Variants in EDC4 observed in about 807,000 individuals in gnomAD.
The protein encoded by EDC4 is enhancer of mRNA decapping 4, also known as enhancer of mRNA-decapping protein 4.
EDC4 carries 64 observed loss-of-function variants against 155.8 expected under a neutral mutation model. That is an observed-to-expected ratio of 0.41 (90% CI 0.34 to 0.51). EDC4 has a LOEUF of 0.51. Among genes scored for constraint, EDC4 ranks in the 20% least tolerant of loss-of-function variants. EDC4 has a pLI of 0.19. For synonymous variants in EDC4, 684 were observed against 716.8 expected (o/e 0.95, Z 0.73); for missense variants, 1,303 against 1,812.5 (o/e 0.72, Z 5.10).
Position 67,879,565 on chromosome 16 carries a change from C to G in EDC4, c.1634-22C>G, listed in dbSNP as rs202241475. Reference sequence around the variant, plus strand: ...ACTGACCAGGGTCTGAGATCTAACTCAAGTGGCAACTTGCCCTGCAGCATT... The same window carrying G: ...ACTGACCAGGGTCTGAGATCTAACTGAAGTGGCAACTTGCCCTGCAGCATT... On this transcript the variant is annotated intron_variant, in intron 14 of 28. Coordinates refer to ENST00000358933, the MANE Select transcript of EDC4 (RefSeq NM_014329.5). This position sits in a 1 kb window ranked among gnomAD's most constrained non-coding sequence, Gnocchi z 6.0. 3.6e-5 allele frequency: 58 copies of G among 1,613,690 alleles called. No homozygotes were observed. Among genetic ancestry groups the G allele is most frequent in the Non-Finnish European group, 4.2e-5 (49 of 1,179,700 alleles).
Position 67,878,723 on chromosome 16 carries a change from T to C in EDC4, c.1185-14T>C. On this transcript the variant is annotated splice_polypyrimidine_tract_variant and intron_variant, in intron 10 of 28. Coordinates refer to ENST00000358933, the MANE Select transcript of EDC4 (RefSeq NM_014329.5). The surrounding 1 kb of genome is among the most constrained non-coding windows in gnomAD (Gnocchi z 5.2). ...AGTTCTCAGGCTCATTCACTCTGCT[T>C]TGTGGCTCTCTAGCTTCTCCCCAGA... The C allele has an allele frequency of 6.2e-7, 1 of 1,614,166 alleles. No homozygotes were observed.
rs760967873 is a variant in EDC4, at chr16:67,877,427, G to A, written c.641+21G>A. On this transcript the variant is annotated intron_variant, in intron 5 of 28. Coordinates refer to ENST00000358933, the MANE Select transcript of EDC4 (RefSeq NM_014329.5). The surrounding 1 kb of genome is among the most constrained non-coding windows in gnomAD (Gnocchi z 4.9). ...ATTCAGTATCCATTCCTTCCTGTGG[G>A]TGGTGGGACTGAAGAAGGGTGGGCG... is the stretch of plus-strand genomic sequence containing the variant. 1.9e-6 allele frequency: 3 copies of A among 1,611,192 alleles called. No individual in the cohort carries two copies. The South Asian group carries it at 3.3e-5, about 18-fold the overall frequency.
Position 67,877,774 on chromosome 16 carries a change from A to G in EDC4, c.823A>G (p.Ser275Gly), listed in dbSNP as rs111231628. Residue 275 changes from serine to glycine, a missense_variant, in exon 7 of 29, where the codon AGC becomes GGC. Physicochemically the swap from Ser to Gly is moderately conservative, Grantham distance 56. Coordinates refer to ENST00000358933, the MANE Select transcript of EDC4 (RefSeq NM_014329.5). The surrounding 1 kb of genome is among the most constrained non-coding windows in gnomAD (Gnocchi z 4.9). Reference protein sequence around the residue: ...EVWDLDMLRSSHSTWPVDVSQ... With the variant: ...EVWDLDMLRSGHSTWPVDVSQ... ...GTGGGACCTGGACATGCTCCGCTCCAGCCACAGTACCTGGCCTGTGGATGT... is the reference window on the plus strand; with the variant it reads ...GTGGGACCTGGACATGCTCCGCTCCGGCCACAGTACCTGGCCTGTGGATGT... 2.7e-3 allele frequency: 4,371 copies of G among 1,614,182 alleles called. 13 individuals carry two copies. Among genetic ancestry groups the G allele is most frequent in the Non-Finnish European group, 3.3e-3 (3,905 of 1,180,032 alleles).
Position 67,882,044 on chromosome 16 carries a change from C to T in EDC4, c.3095C>T (p.Ser1032Leu), listed in dbSNP as rs746048856. The T allele has an allele frequency of 1.7e-5, 28 of 1,612,912 alleles. 1 individual carries two copies. The highest frequency in any genetic ancestry group is 6.7e-5 in the Admixed American group (4 of 59,632). ...ACACAACAGTTGTCCCAAGCACTGTCGTCAGCTGTAGCTGGGCGGCTAGAG... is the reference window on the plus strand; with the variant it reads ...ACACAACAGTTGTCCCAAGCACTGTTGTCAGCTGTAGCTGGGCGGCTAGAG... ...QLTQQLSQAL[S>L]SAVAGRLERS... Residue 1032 changes from serine to leucine, a missense_variant, in exon 23 of 29, where the codon TCG becomes TTG. Around this residue, in one of 5 missense-constraint regions of EDC4, gnomAD observed 527 missense variants for 757.0 expected, o/e 0.70. Coordinates refer to ENST00000358933, the MANE Select transcript of EDC4 (RefSeq NM_014329.5). This position sits in a 1 kb window ranked among gnomAD's most constrained non-coding sequence, Gnocchi z 7.2.
chr16:67,877,990 C>G lies in EDC4; in HGVS notation c.894+145C>G. 1 of 1,486,742 alleles carries G rather than the reference C, an allele frequency of 6.7e-7. No individual in the cohort carries two copies. The highest frequency in any genetic ancestry group is 1.4e-5 in the African/African-American group (1 of 71,838). The allele number at this position is 1,486,742 out of a possible 1,614,324, so 92.1% of individuals were successfully genotyped here. Reference sequence around the variant, plus strand: ...CTCAAATTGGCCCTCACCTGTGCAGCTTTCTCCTTATCTAGCAGCACCCTG... The same window carrying G: ...CTCAAATTGGCCCTCACCTGTGCAGGTTTCTCCTTATCTAGCAGCACCCTG... On this transcript the variant is annotated intron_variant, in intron 7 of 28. Transcript: ENST00000358933. The surrounding 1 kb of genome is among the most constrained non-coding windows in gnomAD (Gnocchi z 4.9).
chr16:67,878,926 G>A lies in EDC4; in HGVS notation c.1288-31G>A. 6.2e-7 allele frequency: 1 copy of A among 1,610,726 alleles called. No individual in the cohort carries two copies. Among genetic ancestry groups the A allele is most frequent in the Non-Finnish European group, 8.5e-7 (1 of 1,179,272 alleles). ...TGGCGCATCACAGCCCTTAGCCTCT[G>A]AGCTCAGCTAGGAACGTTCTGCCTG... is the stretch of plus-strand genomic sequence containing the variant. On this transcript the variant is annotated intron_variant, in intron 11 of 28. Coordinates refer to ENST00000358933, the MANE Select transcript of EDC4 (RefSeq NM_014329.5). The surrounding 1 kb of genome is among the most constrained non-coding windows in gnomAD (Gnocchi z 5.2).
chr16:67,880,104 A>T lies in EDC4; in HGVS notation c.1985A>T (p.Asp662Val). Reference sequence around the variant, plus strand: ...ACCTTGAGCCCCAAGCTGCAGCTGGATGGCAGCCTGACAATGAGCAGCAGT... The same window carrying T: ...ACCTTGAGCCCCAAGCTGCAGCTGGTTGGCAGCCTGACAATGAGCAGCAGT... ...ELTLSPKLQL[D>V]GSLTMSSSGS... The change falls in exon 17 of 29, where the codon GAT (aspartate) becomes GTT (valine). Residue 662 changes from aspartate to valine, a missense_variant. Transcript: ENST00000358933. This position sits in a 1 kb window ranked among gnomAD's most constrained non-coding sequence, Gnocchi z 5.2. The T allele has an allele frequency of 1.2e-6, 2 of 1,612,232 alleles. No homozygotes were observed. The highest frequency in any genetic ancestry group is 1.7e-6 in the Non-Finnish European group (2 of 1,178,980).
chr16:67,879,440 C>T lies in EDC4; in HGVS notation c.1570C>T (p.Gln524Ter), dbSNP rs746908420. ...ACTGCAAGATGTGCAGATCCGCTTC[C>T]AGCCACAGCTGAACCCTGATGTGGT... ...KALQDVQIRFQPQLNPDVVAP... is the reference protein window; with the variant it reads ...KALQDVQIRF The change falls in exon 14 of 29, where the codon CAG (glutamine) becomes TAG (stop). Residue 524 changes from glutamine to a stop codon, truncating the protein, a stop_gained. Transcript: ENST00000358933. LOFTEE classifies it high-confidence loss of function. This position sits in a 1 kb window ranked among gnomAD's most constrained non-coding sequence, Gnocchi z 6.0. 6.2e-7 allele frequency: 1 copy of T among 1,614,226 alleles called. No individual in the cohort carries two copies. The highest frequency in any genetic ancestry group is 8.5e-7 in the Non-Finnish European group (1 of 1,180,042).
chr16:67,876,084 G>C lies in EDC4; in HGVS notation c.222G>C (p.Leu74=). Reference sequence around the variant, plus strand: ...TTCGGACCATGCCACCCATTAACCTGCAAGAGAAGCAGGTCATGTGAGTAC... The same window carrying C: ...TTCGGACCATGCCACCCATTAACCTCCAAGAGAAGCAGGTCATGTGAGTAC... The part of the protein sequence containing the change: ...TGLRTMPPIN[L]QEKQVICLSG... Residue 74 remains leucine, a synonymous_variant, in exon 2 of 29, where the codon CTG becomes CTC. Transcript: ENST00000358933. The surrounding 1 kb of genome is among the most constrained non-coding windows in gnomAD (Gnocchi z 5.8). The C allele has an allele frequency of 6.2e-7, 1 of 1,614,150 alleles. No individual in the cohort carries two copies. The highest frequency in any genetic ancestry group is 1.3e-5 in the African/African-American group (1 of 75,038).
Position 67,879,111 on chromosome 16 carries a change from A to G in EDC4, c.1442A>G (p.Glu481Gly). Reference sequence around the variant, plus strand: ...CGGCACACTGAGGTGCTGCCTGCCGAAGAGGAAAATGACAGCCTGGGTGCT... The same window carrying G: ...CGGCACACTGAGGTGCTGCCTGCCGGAGAGGAAAATGACAGCCTGGGTGCT... ...RLRHTEVLPA[E>G]EENDSLGADG... The change falls in exon 12 of 29, where the codon GAA (glutamate) becomes GGA (glycine). Residue 481 changes from glutamate (E) to glycine (G), a missense_variant. Coordinates refer to ENST00000358933, the MANE Select transcript of EDC4 (RefSeq NM_014329.5). The surrounding 1 kb of genome is among the most constrained non-coding windows in gnomAD (Gnocchi z 6.0). 1 of 1,613,836 alleles carries G rather than the reference A, an allele frequency of 6.2e-7. No homozygotes were observed. The highest frequency in any genetic ancestry group is 8.5e-7 in the Non-Finnish European group (1 of 1,179,808).
chr16:67,882,871 TG>T lies in EDC4; in HGVS notation c.3629+9del. 6.2e-7 allele frequency: 1 copy of T among 1,614,130 alleles called. No homozygotes were observed. Among genetic ancestry groups the T allele is most frequent in the Non-Finnish European group, 8.5e-7 (1 of 1,180,010 alleles). ...CTGCATGTGGCTGTGGGCAGGTGTG[TG>T]GGCAGAGTACTGGGCAAGGTGGTGG... is the stretch of plus-strand genomic sequence containing the variant. On this transcript the variant is annotated splice_region_variant and intron_variant, in intron 26 of 28. Transcript: ENST00000358933. The surrounding 1 kb of genome is among the most constrained non-coding windows in gnomAD (Gnocchi z 7.2).
Position 67,877,006 on chromosome 16 carries a change from T to C in EDC4, c.451+34T>C. 2 of 1,610,636 alleles carry C rather than the reference T, an allele frequency of 1.2e-6. No individual in the cohort carries two copies. Among genetic ancestry groups the C allele is most frequent in the Non-Finnish European group, 1.7e-6 (2 of 1,178,116 alleles). ...AGACAGTGAGGAGGAAGGAATGTTC[T>C]GCTGGATGTCCCACAGAGCCAGTTC... On this transcript the variant is annotated intron_variant, in intron 4 of 28. Transcript: ENST00000358933. The surrounding 1 kb of genome is among the most constrained non-coding windows in gnomAD (Gnocchi z 4.9).
rs749360641 is a variant in EDC4 at position 67,884,022 on chromosome 16, C to T, written c.4080C>T (p.Ser1360=). ...CCATCACTCGGGACCACATGGGCTC[C>T]GTTATGGCCCAGGTGCGCCAAAAGC... ...SDPITRDHMG[S]VMAQVRQKLF... is the part of the protein sequence containing the mutation. The change falls in exon 29 of 29, where the codon TCC becomes TCT. Residue 1360 remains serine (S), a synonymous_variant. Coordinates refer to ENST00000358933, the MANE Select transcript of EDC4 (RefSeq NM_014329.5). The surrounding 1 kb of genome is among the most constrained non-coding windows in gnomAD (Gnocchi z 4.1). 17 of 1,614,124 alleles carry T rather than the reference C, an allele frequency of 1.1e-5. No individual in the cohort carries two copies. Among genetic ancestry groups the T allele is most frequent in the Non-Finnish European group, 1.4e-5 (16 of 1,179,998 alleles).
Position 67,880,312 on chromosome 16 carries a change from C to A in EDC4, c.2097+96C>A. 1 of 1,486,280 alleles carries A rather than the reference C, an allele frequency of 6.7e-7. No individual in the cohort carries two copies. Among genetic ancestry groups the A allele is most frequent in the South Asian group, 1.3e-5 (1 of 75,426 alleles). The allele number at this position is 1,486,280 out of a possible 1,614,324, so 92.1% of individuals were successfully genotyped here. ...TCCTCCCAGCCCCCTGCTGCTGATC[C>A]TGCTCTACCCGACATGGTCCGTGTT... On this transcript the variant is annotated intron_variant, in intron 17 of 28. Transcript: ENST00000358933. This position sits in a 1 kb window ranked among gnomAD's most constrained non-coding sequence, Gnocchi z 5.2.
At chr16:67,874,270 C>A (rs1001516286) in intron 1 of EDC4, among the ~76,000 whole-genome samples, 3 of 152,116 alleles carry the variant, frequency 2.0e-5, no homozygotes, top group Non-Finnish European at 4.4e-5. Context: ...CTGAAGTGGC[C>A]GGTGATGATG....
Position 67,876,836 on chromosome 16 carries a change from G to C in EDC4, c.352-37G>C. 1 of 1,609,414 alleles carries C rather than the reference G, an allele frequency of 6.2e-7. No individual in the cohort carries two copies. The highest frequency in any genetic ancestry group is 8.5e-7 in the Non-Finnish European group (1 of 1,177,428). ...GATGTTGGGGGCCACCTAGGCTCTG[G>C]GGAAGTTCCATGACTTTTCTCACCC... On this transcript the variant is annotated intron_variant, in intron 3 of 28. Transcript: ENST00000358933. This position sits in a 1 kb window ranked among gnomAD's most constrained non-coding sequence, Gnocchi z 5.8.
In EDC4 at chr16:67,877,052, C is replaced by T; in HGVS notation, c.451+80C>T. 6.3e-7 allele frequency: 1 copy of T among 1,578,132 alleles called. No individual in the cohort carries two copies. The highest frequency in any genetic ancestry group is 8.6e-7 in the Non-Finnish European group (1 of 1,161,008). On this transcript the variant is annotated intron_variant, in intron 4 of 28. Coordinates refer to ENST00000358933, the MANE Select transcript of EDC4 (RefSeq NM_014329.5). The surrounding 1 kb of genome is among the most constrained non-coding windows in gnomAD (Gnocchi z 4.9). ...AGTTCCAACATCAGGCCACTCAGGC[C>T]TTAGGGGTACAATGGAAGGTTTGTC... is the stretch of plus-strand genomic sequence containing the variant.
In EDC4 at chr16:67,875,160, C is replaced by T. The variant is rs138698427; in HGVS notation, c.83-785C>T. ...TGAGCCTATGAGAGTGTTTGAAACC[C>T]AGCCAGTTGCAAAGAACTGAAATGC... is the stretch of plus-strand genomic sequence containing the variant. On this transcript the variant is annotated intron_variant, in intron 1 of 28. Coordinates refer to ENST00000358933, the MANE Select transcript of EDC4 (RefSeq NM_014329.5). Among the ~76,000 whole-genome samples, 798 of 152,322 alleles carry T rather than the reference C, an allele frequency of 5.2e-3. 9 individuals are homozygous for T. The highest frequency in any genetic ancestry group is 0.019 in the African/African-American group (769 of 41,562).
In EDC4 at chr16:67,884,212, G is replaced by T; in HGVS notation, c.*64G>T. 2 of 1,462,540 alleles carry T rather than the reference G, an allele frequency of 1.4e-6. No individual in the cohort carries two copies. Among genetic ancestry groups the T allele is most frequent in the Admixed American group, 2.2e-5 (1 of 46,478 alleles). The allele number at this position is 1,462,540 out of a possible 1,614,324, so 90.6% of individuals were successfully genotyped here. On this transcript the variant is annotated 3_prime_UTR_variant, in exon 29 of 29. Coordinates refer to ENST00000358933, the MANE Select transcript of EDC4 (RefSeq NM_014329.5). This position sits in a 1 kb window ranked among gnomAD's most constrained non-coding sequence, Gnocchi z 4.1. The stretch of plus-strand genomic sequence containing the variant: ...AAGGCCAGCAGACAGGCCTAGGCTG[G>T]GGCAGGGTCACGGCTGGCCTTTACC...
Sources: gnomAD v4.1 joint callset for allele counts (sites outside exome capture counted in the v4.1 genomes callset) on GRCh38, gnomAD v4.1.1 for gene constraint, gnomAD v4.1.1 regional missense constraint, Gnocchi (gnomAD v3.1) non-coding constraint, MANE v1.5 for transcripts, NCBI Gene and HGNC (gene_info 2026-07-23, HGNC 2026-07-21) for gene names.